Variants in MLKL observed in about 807,000 individuals in gnomAD.
The protein encoded by MLKL is mixed lineage kinase domain like pseudokinase.
MLKL carries 55 observed loss-of-function variants against 56.5 expected under a neutral mutation model. That is an observed-to-expected ratio of 0.97 (90% CI 0.78 to 1.22). The LOEUF (loss-of-function observed/expected upper bound fraction) is 1.22. Among genes scored for constraint, MLKL ranks in the 50% most tolerant of loss-of-function variants. MLKL has a pLI of 0.00. For synonymous variants in MLKL, 251 were observed against 208.3 expected (o/e 1.20, Z -1.76); for missense variants, 694 against 573.9 (o/e 1.21, Z -2.14).
intron 4 of MLKL, among the ~76,000 whole-genome samples, chr16:74,690,275 G>C (rs1431042632): frequency 6.6e-6 from 1 of 152,184 alleles, no homozygotes; most frequent in African/African-American, 2.4e-5. Flanking sequence ...TAACACTAAG[G>C]GTTGGTGAGG....
intron 1 of MLKL, among the ~76,000 whole-genome samples, chr16:74,699,592 C>A (rs1029450350): frequency 1.3e-5 from 2 of 152,056 alleles, no homozygotes; most frequent in African/African-American, 4.8e-5. Context: ...TAGATGGCTA[C>A]CGAGATGTTC....
intron 2 of MLKL, among the ~76,000 whole-genome samples, chr16:74,693,962 T>C (rs1042312734): frequency 6.6e-6 from 1 of 152,096 alleles, no homozygotes; most frequent in African/African-American, 2.4e-5. Flanking sequence ...AAATGATGGG[T>C]GTATGTATTG....
chr16:74,694,821 C>T (rs985086913), intron 2 of MLKL, among the ~76,000 whole-genome samples: 1 of 152,032 alleles, frequency 6.6e-6, no homozygotes, highest in Non-Finnish European at 1.5e-5. Context: ...TTTCACCAGC[C>T]CCCACCATAT....
intron 1 of MLKL, among the ~76,000 whole-genome samples, chr16:74,699,411 TA>T (rs1225216183): frequency 6.6e-6 from 1 of 152,156 alleles, no homozygotes; most frequent in Non-Finnish European, 1.5e-5. Flanking sequence ...TAAAATATAT[TA>T]AAAACTGCAA....
At position 74,695,355 on chromosome 16, in the gene MLKL, G is replaced by C. The variant is rs773078940; in HGVS notation, c.403C>G (p.Gln135Glu). The part of the protein sequence containing the change: ...SPISQGASWA[Q>E]EDQQDADEDR... ...TCGTCTGCATCCTGCTGATCTTCCT[G>C]TGCCCAGGACGCTCCTTGGCTTATG... The change falls in exon 2 of 11, where the codon CAG becomes GAG. Residue 135 changes from glutamine (Q) to glutamate (E), a missense_variant. Transcript: ENST00000308807. 3 of 1,614,174 alleles carry C rather than the reference G, an allele frequency of 1.9e-6. No individual in the cohort carries two copies. The highest frequency in any genetic ancestry group is 2.5e-6 in the Non-Finnish European group (3 of 1,180,036).
rs754580247 is a variant in MLKL, at chr16:74,691,466, G to A, written c.536-3C>T. ...CTGCATGCATTTTGGTGGTAAATCTGACCTCACCCCCGAGAGGAAAGAAGA... is the reference window on the plus strand; with the variant it reads ...CTGCATGCATTTTGGTGGTAAATCTAACCTCACCCCCGAGAGGAAAGAAGA... On this transcript the variant is annotated splice_polypyrimidine_tract_variant and splice_region_variant and intron_variant, in intron 3 of 10. Transcript: ENST00000308807. 6.2e-7 allele frequency: 1 copy of A among 1,610,814 alleles called. No individual in the cohort carries two copies.
chr16:74,692,642 G>C (rs1960743217), intron 2 of MLKL, among the ~76,000 whole-genome samples: 1 of 152,362 alleles, frequency 6.6e-6, no homozygotes, highest in East Asian at 1.9e-4. Flanking sequence ...ATGAAGAAAA[G>C]AGATGTCTGT....
chr16:74,688,405 A>C (rs2144522974), intron 4 of MLKL, among the ~76,000 whole-genome samples: 1 of 152,308 alleles, frequency 6.6e-6, no homozygotes, highest in South Asian at 2.1e-4. Flanking sequence ...GCCAAAAACT[A>C]TAAACTCTTA....
At chr16:74,689,224 C>T (rs1960518418) in intron 4 of MLKL, among the ~76,000 whole-genome samples, 1 of 151,548 alleles carries the variant, frequency 6.6e-6, no homozygotes, top group African/African-American at 2.4e-5. Context: ...AAGTGATTCT[C>T]CTGCCTCAGC....
chr16:74,690,765 G>C (rs997097159), intron 4 of MLKL, among the ~76,000 whole-genome samples: 2 of 104,094 alleles, frequency 1.9e-5, no homozygotes, highest in Non-Finnish European at 3.4e-5. Flanking sequence ...CTGGACAACA[G>C]AGTGAGACCT....
intron 6 of MLKL, 77 bp from the exon 7 acceptor site, chr16:74,679,057 T>A: frequency 8.5e-7 from 1 of 1,172,452 alleles, no homozygotes; most frequent in Non-Finnish European, 1.3e-6. Context: ...ATAACTGGGC[T>A]GATGAGGCTG....
chr16:74,695,470 T>A lies in MLKL; in HGVS notation c.288A>T (p.Ile96=), dbSNP rs192549642. ...CRFLTASQDK[I]LFKDVNRKLS... is the part of the protein sequence containing the mutation. ...GCTTCCTGTTCACGTCCTTGAAGAGTATTTTGTCCTGGCTTGCTGTTAGAA... is the reference window on the plus strand; with the variant it reads ...GCTTCCTGTTCACGTCCTTGAAGAGAATTTTGTCCTGGCTTGCTGTTAGAA... Residue 96 remains isoleucine (I), a synonymous_variant, in exon 2 of 11, where the codon ATA becomes ATT. Coordinates refer to ENST00000308807, the MANE Select transcript of MLKL (RefSeq NM_152649.4). 668 of 1,614,028 alleles carry A rather than the reference T, an allele frequency of 4.1e-4. 2 individuals carry two copies. The highest frequency in any genetic ancestry group is 2.3e-4 in the Non-Finnish European group (270 of 1,180,016).
At chr16:74,684,373 C>T (rs905207195) in intron 5 of MLKL, among the ~76,000 whole-genome samples, 2 of 133,664 alleles carry the variant, frequency 1.5e-5, no homozygotes, top group Admixed American at 1.8e-4. Context: ...GGCAGCAAAA[C>T]ATGACCAGCA....
At chr16:74,680,344 A>G (rs901179729) in intron 6 of MLKL, among the ~76,000 whole-genome samples, 1 of 152,200 alleles carries the variant, frequency 6.6e-6, no homozygotes, top group Non-Finnish European at 1.5e-5. Flanking sequence ...TTAATTTCAA[A>G]TTAATAGCTA....
intron 5 of MLKL, among the ~76,000 whole-genome samples, chr16:74,683,469 G>A (rs1960119463): frequency 6.6e-6 from 1 of 151,560 alleles, no homozygotes; most frequent in Non-Finnish European, 1.5e-5. Context: ...GGTGGGACAT[G>A]CCTGTAGTCC....
chr16:74,697,468 C>T (rs1197651325), intron 1 of MLKL, among the ~76,000 whole-genome samples: 1 of 152,168 alleles, frequency 6.6e-6, no homozygotes, highest in Non-Finnish European at 1.5e-5. Context: ...AATTATGACA[C>T]TAGATCTCTC....
chr16:74,695,410 A>G lies in MLKL; in HGVS notation c.348T>C (p.Leu116=). 1 of 1,614,182 alleles carries G rather than the reference A, an allele frequency of 6.2e-7. No homozygotes were observed. The highest frequency in any genetic ancestry group is 8.5e-7 in the Non-Finnish European group (1 of 1,180,042). The change falls in exon 2 of 11, where the codon CTT becomes CTC. Residue 116 remains leucine, a synonymous_variant. Transcript: ENST00000308807. Reference sequence around the variant, plus strand: ...AAACAGGCATGCGTTGCTCAACCTGAAGTAACAGCGAGAGCTCCTTCCAGA... The same window carrying G: ...AAACAGGCATGCGTTGCTCAACCTGGAGTAACAGCGAGAGCTCCTTCCAGA... ...SDVWKELSLL[L]QVEQRMPVSP...
chr16:74,691,503 A>T (rs80032844), intron 3 of MLKL, 40 bp from the exon 4 acceptor site: 2 of 1,590,292 alleles, frequency 1.3e-6, no homozygotes, highest in Non-Finnish European at 1.7e-6. Context: ...AAAAGAGTCA[A>T]TGAGCAGAGG....
chr16:74,675,057 C>G lies in MLKL; in HGVS notation c.1284G>C (p.Arg428=). Residue 428 remains arginine (R), a synonymous_variant, in exon 10 of 11, where the codon CGG becomes CGC. Transcript: ENST00000308807. ...EKIRKLVAVK[R]QQEPLGEDCP... is the part of the protein sequence containing the mutation. ...AGTCTTCACCCAGTGGCTCCTGCTG[C>G]CGCTTCACAGCCACCAGCTTGCGGA... is the stretch of plus-strand genomic sequence containing the variant. 6.2e-7 allele frequency: 1 copy of G among 1,614,078 alleles called. No individual in the cohort carries two copies.
Sources: allele counts gnomAD v4.1 joint callset (sites outside exome capture counted in the v4.1 genomes callset), GRCh38; gene constraint gnomAD v4.1.1; transcripts MANE v1.5; gene names NCBI Gene and HGNC (gene_info 2026-07-23, HGNC 2026-07-21).